Variants in ITGBL1 observed in about 807,000 individuals in gnomAD.
The protein encoded by ITGBL1 is integrin subunit beta like 1, also known as integrin beta-like protein 1.
A neutral mutation model predicts 68.5 loss-of-function variants in ITGBL1; 51 were observed. The ratio of observed to expected loss-of-function variants is 0.74; its 90% CI spans 0.59 to 0.94. The LOEUF is 0.94. ITGBL1 is among the 40% of genes least tolerant of loss of function. ITGBL1 has a pLI of 0.00. For synonymous variants in ITGBL1, 209 were observed against 227.3 expected (o/e 0.92, Z 0.72); for missense variants, 649 against 647.4 (o/e 1.00, Z -0.03).
At chr13:101,499,972 C>T (rs2048915031) in intron 2 of ITGBL1, among the ~76,000 whole-genome samples, 1 of 152,142 alleles carries the variant, frequency 6.6e-6, no homozygotes, top group Non-Finnish European at 1.5e-5. Context: ...CACTGGCTGG[C>T]CTTGGGCCTG....
chr13:101,480,069 G>C (rs1324922133), intron 2 of ITGBL1, among the ~76,000 whole-genome samples: 1 of 152,032 alleles, frequency 6.6e-6, no homozygotes, highest in Non-Finnish European at 1.5e-5. Flanking sequence ...AGCAACCTAA[G>C]TGGCCATAAA....
At chr13:101,618,273 A>G (rs7324511) in intron 7 of ITGBL1, among the ~76,000 whole-genome samples, 86,573 of 152,040 alleles carry the variant, frequency 0.57, 26,228 homozygotes, top group Middle Eastern at 0.69. Context: ...AAGACTTAGC[A>G]ACAAAAAGCT....
intron 7 of ITGBL1, among the ~76,000 whole-genome samples, chr13:101,689,378 T>C (rs1032508440): frequency 2.0e-5 from 3 of 152,102 alleles, no homozygotes; most frequent in Non-Finnish European, 4.4e-5. Flanking sequence ...TATATGATAA[T>C]GACTGAAACA....
At chr13:101,547,198 T>G (rs2049840998) in intron 2 of ITGBL1, among the ~76,000 whole-genome samples, 2 of 152,032 alleles carry the variant, frequency 1.3e-5, no homozygotes, top group South Asian at 4.1e-4. Flanking sequence ...TTATTGCTAA[T>G]TTTTTCTTGT....
chr13:101,509,427 C>A (rs1302512970), intron 2 of ITGBL1, among the ~76,000 whole-genome samples: 1 of 152,128 alleles, frequency 6.6e-6, no homozygotes, highest in African/African-American at 2.4e-5. Context: ...CAGCATTAAG[C>A]AACTCTGAAA....
intron 2 of ITGBL1, among the ~76,000 whole-genome samples, chr13:101,500,244 A>T (rs2048919119): frequency 6.6e-6 from 1 of 152,214 alleles, no homozygotes; most frequent in African/African-American, 2.4e-5. Flanking sequence ...CTCTTTATAA[A>T]TTGTTTTCTT....
At chr13:101,597,309 C>T (rs2030029932) in intron 6 of ITGBL1, among the ~76,000 whole-genome samples, 1 of 151,294 alleles carries the variant, frequency 6.6e-6, no homozygotes, top group Non-Finnish European at 1.5e-5. Flanking sequence ...TTAATTATGT[C>T]TACTGGGCTG....
intron 8 of ITGBL1, among the ~76,000 whole-genome samples, chr13:101,699,953 T>G (rs2034096638): frequency 6.6e-6 from 1 of 152,180 alleles, no homozygotes; most frequent in African/African-American, 2.4e-5. Flanking sequence ...ACAATCTTAG[T>G]TTTCTCCTTC....
At chr13:101,462,740 A>C (rs1227281526) in intron 2 of ITGBL1, among the ~76,000 whole-genome samples, 5 of 151,974 alleles carry the variant, frequency 3.3e-5, no homozygotes, top group Non-Finnish European at 7.4e-5. Flanking sequence ...GCGCCCCCAC[A>C]CCTGGCTAAT....
intron 7 of ITGBL1, among the ~76,000 whole-genome samples, chr13:101,611,194 A>C (rs1040832675): frequency 5.3e-5 from 8 of 152,198 alleles, no homozygotes; most frequent in Non-Finnish European, 8.8e-5. Context: ...TAATTGTCTT[A>C]TGAGGTTAAT....
intron 6 of ITGBL1, among the ~76,000 whole-genome samples, chr13:101,597,951 G>C: frequency 6.6e-6 from 1 of 151,992 alleles, no homozygotes; most frequent in Non-Finnish European, 1.5e-5. Flanking sequence ...TATCTTATCT[G>C]TTGCTTTTCT....
At chr13:101,557,643 A>T (rs1240044475) in intron 2 of ITGBL1, among the ~76,000 whole-genome samples, 1 of 152,142 alleles carries the variant, frequency 6.6e-6, no homozygotes, top group East Asian at 1.9e-4. Flanking sequence ...CGGGTCTCCT[A>T]TTCTGGATAC....
chr13:101,564,725 AAC>A (rs2050155578), intron 2 of ITGBL1, among the ~76,000 whole-genome samples: 1 of 150,608 alleles, frequency 6.6e-6, no homozygotes, highest in South Asian at 2.1e-4. Flanking sequence ...TATATATAGA[AAC>A]ACAGGTATAT....
chr13:101,561,647 ACTT>A (rs1173033270), intron 2 of ITGBL1, among the ~76,000 whole-genome samples: 2 of 152,212 alleles, frequency 1.3e-5, no homozygotes, highest in African/African-American at 4.8e-5. Flanking sequence ...ATGACAGGGG[ACTT>A]CTTGTCAGAA....
intron 2 of ITGBL1, among the ~76,000 whole-genome samples, chr13:101,544,918 A>G (rs940396412): frequency 3.9e-5 from 6 of 152,140 alleles, no homozygotes; most frequent in Admixed American, 3.3e-4. Context: ...CAGTATTAGG[A>G]AAAGTGACCC....
At chr13:101,625,531 T>G (rs143664382) in intron 7 of ITGBL1, among the ~76,000 whole-genome samples, 101 of 149,742 alleles carry the variant, frequency 6.7e-4, no homozygotes, top group African/African-American at 2.3e-3. Context: ...CCACTCAGTA[T>G]TTTATTTCTA....
At position 101,715,562 on chromosome 13, in the gene ITGBL1, G is replaced by GGGAAT; in HGVS notation, c.1399_1403dup (p.Ile468MetfsTer59). Reference sequence around the variant, plus strand: ...TGATACCTATATGTATTTTATTGCAGGGAATGGAATATGTAGCTGTGGAAA... The same window carrying GGGAAT: ...TGATACCTATATGTATTTTATTGCAGGGAATGGAATGGAATATGTAGCTGTGGAAA... On this transcript the variant is annotated frameshift_variant and splice_region_variant. Coordinates refer to ENST00000376180, the MANE Select transcript of ITGBL1 (RefSeq NM_004791.3). LOFTEE classifies it high-confidence loss of function. 6.2e-7 allele frequency: 1 copy of GGGAAT among 1,604,872 alleles called. No homozygotes were observed. Among genetic ancestry groups the GGGAAT allele is most frequent in the Non-Finnish European group, 8.5e-7 (1 of 1,171,716 alleles).
intron 2 of ITGBL1, among the ~76,000 whole-genome samples, chr13:101,558,572 C>T (rs540932707): frequency 6.6e-6 from 1 of 152,264 alleles, no homozygotes; most frequent in South Asian, 2.1e-4. Context: ...CCCTTTCTCT[C>T]GTTCCCTTCT....
At chr13:101,537,041 G>A (rs1451804688) in intron 2 of ITGBL1, among the ~76,000 whole-genome samples, 5 of 121,838 alleles carry the variant, frequency 4.1e-5, no homozygotes, top group African/African-American at 9.6e-5. Flanking sequence ...ACCTGTTCTA[G>A]CACCCAGTGT....
Sources: allele counts gnomAD v4.1 joint callset (sites outside exome capture counted in the v4.1 genomes callset), GRCh38; gene constraint gnomAD v4.1.1; transcripts MANE v1.5; gene names NCBI Gene and HGNC (gene_info 2026-07-23, HGNC 2026-07-21).